Variants in RGPD2 observed in about 807,000 individuals in gnomAD.
RGPD2 encodes the protein RANBP2-like and GRIP domain-containing protein 2.
A neutral mutation model predicts 36.0 loss-of-function variants in RGPD2; 2 were observed. That is an observed-to-expected ratio of 0.06 (90% CI 0.02 to 0.17). RGPD2 has a LOEUF of 0.17. Among genes scored for constraint, RGPD2 ranks in the 10% least tolerant of loss-of-function variants. The pLI is 1.00. For synonymous variants in RGPD2, 19 were observed against 163.8 expected (o/e 0.12, Z 6.75); for missense variants, 40 against 464.3 (o/e 0.09, Z 8.40).
At chr2:87,905,821 TCA>T in the RGPD2 span, among the ~76,000 whole-genome samples, 1 of 102,258 alleles carries the variant, frequency 9.8e-6, no homozygotes, top group Non-Finnish European at 2.0e-5. Flanking sequence ...TATAATTCAT[TCA>T]TTTAATGATT....
chr2:87,878,607 G>A, the RGPD2 span, among the ~76,000 whole-genome samples: 4 of 152,094 alleles, frequency 2.6e-5, no homozygotes, highest in Non-Finnish European at 4.4e-5. Context: ...CTCTCTTTTA[G>A]GTATTTTGAG....
At chr2:87,947,388 G>A in the RGPD2 span, among the ~76,000 whole-genome samples, 1 of 152,298 alleles carries the variant, frequency 6.6e-6, no homozygotes, top group South Asian at 2.1e-4. Context: ...GGGGCCAGCT[G>A]GACTTCCTGG....
At chr2:87,949,143 GAA>G in the RGPD2 span, among the ~76,000 whole-genome samples, 1 of 140,528 alleles carries the variant, frequency 7.1e-6, no homozygotes, top group African/African-American at 2.6e-5. Flanking sequence ...GAGACTGTCT[GAA>G]AAAAAAAAAG....
the RGPD2 span, among the ~76,000 whole-genome samples, chr2:87,989,541 T>C: frequency 6.6e-6 from 1 of 152,064 alleles, no homozygotes; most frequent in African/African-American, 2.4e-5. Flanking sequence ...AGAATTACTG[T>C]ATAGTAAAAA....
chr2:87,882,364 T>C, the RGPD2 span, among the ~76,000 whole-genome samples: 1 of 152,262 alleles, frequency 6.6e-6, no homozygotes, highest in Admixed American at 6.5e-5. Flanking sequence ...TTATCCTTTC[T>C]CCAATGTGGA....
intron 20 of RGPD2, chr2:87,781,099 C>A: frequency 9.9e-6 from 1 of 100,664 alleles, no homozygotes; most frequent in South Asian, 5.0e-5. Flanking sequence ...TAATACTTTC[C>A]TAAGGGCTAC....
the RGPD2 span, among the ~76,000 whole-genome samples, chr2:87,894,336 T>TAGA: frequency 6.6e-6 from 1 of 151,600 alleles, no homozygotes; most frequent in Admixed American, 6.6e-5. Flanking sequence ...TATTCCATAT[T>TAGA]TGAATATCAA....
chr2:87,983,306 CA>C, the RGPD2 span, among the ~76,000 whole-genome samples: 1 of 151,942 alleles, frequency 6.6e-6, no homozygotes, highest in Non-Finnish European at 1.5e-5. Context: ...GATGACAGAG[CA>C]AAACCCCGTC....
chr2:87,802,423 GATACAGTTA>G (rs1685859432), intron 7 of RGPD2, among the ~76,000 whole-genome samples: 1 of 148,288 alleles, frequency 6.7e-6, no homozygotes, highest in Non-Finnish European at 1.5e-5. Flanking sequence ...ACATCTCCAA[GATACAGTTA>G]ATGGAAATAA....
At chr2:87,842,403 T>C in the RGPD2 span, among the ~76,000 whole-genome samples, 3 of 149,894 alleles carry the variant, frequency 2.0e-5, no homozygotes, top group African/African-American at 7.6e-5. Context: ...GCAAGCATTC[T>C]TATACACCAA....
intron 22 of RGPD2, chr2:87,767,068 CA>C (rs1192559880): frequency 2.0e-5 from 3 of 150,632 alleles, no homozygotes; most frequent in African/African-American, 4.9e-5. Context: ...TACTGGCTCT[CA>C]GGGGGAAGAG....
chr2:87,861,480 C>T, the RGPD2 span, among the ~76,000 whole-genome samples: 1 of 152,054 alleles, frequency 6.6e-6, no homozygotes, highest in Non-Finnish European at 1.5e-5. Context: ...CATTTATCTG[C>T]AATTTCCAAC....
chr2:87,897,492 G>A, the RGPD2 span, among the ~76,000 whole-genome samples: 2 of 151,828 alleles, frequency 1.3e-5, no homozygotes, highest in South Asian at 2.1e-4. Context: ...TTTAGGTTCC[G>A]AGGTACATGT....
the RGPD2 span, among the ~76,000 whole-genome samples, chr2:87,923,447 A>G: frequency 6.6e-6 from 1 of 152,236 alleles, no homozygotes; most frequent in Admixed American, 6.5e-5. Flanking sequence ...TCATATTTTT[A>G]TACTGTGATA....
the RGPD2 span, among the ~76,000 whole-genome samples, chr2:87,988,091 T>C: frequency 6.6e-6 from 1 of 152,090 alleles, no homozygotes; most frequent in African/African-American, 2.4e-5. Context: ...AATCTGCCAA[T>C]GTCCTGCTTT....
chr2:87,922,046 C>T, the RGPD2 span, among the ~76,000 whole-genome samples: 1 of 151,428 alleles, frequency 6.6e-6, no homozygotes, highest in African/African-American at 2.4e-5. Flanking sequence ...GTAATCCCAG[C>T]ACTTTGGGAG....
At chr2:87,879,095 T>C in the RGPD2 span, among the ~76,000 whole-genome samples, 5 of 152,328 alleles carry the variant, frequency 3.3e-5, no homozygotes, top group African/African-American at 9.6e-5. Flanking sequence ...GGTATATACA[T>C]AGTAGTGGAA....
At chr2:87,853,301 T>C in the RGPD2 span, among the ~76,000 whole-genome samples, 3 of 152,308 alleles carry the variant, frequency 2.0e-5, no homozygotes, top group South Asian at 2.1e-4. Flanking sequence ...CAGCTCACCA[T>C]GGCCTGGAAC....
chr2:87,955,016 TTTTTG>T, the RGPD2 span, among the ~76,000 whole-genome samples: 1 of 37,996 alleles, frequency 2.6e-5, no homozygotes, highest in Non-Finnish European at 5.2e-5. Context: ...TTTTTTTTTT[TTTTTG>T]TTTGAGACGG....
Sources: gnomAD v4.1 joint callset for allele counts (sites outside exome capture counted in the v4.1 genomes callset) on GRCh38, gnomAD v4.1.1 for gene constraint, MANE v1.5 for transcripts, NCBI Gene and HGNC (gene_info 2026-07-23, HGNC 2026-07-21) for gene names.